Variants in DDX10 observed in about 807,000 individuals in gnomAD.
DDX10 encodes the protein probable ATP-dependent RNA helicase DDX10.
DDX10 carries 74 observed loss-of-function variants against 104.3 expected under a neutral mutation model. That is an observed-to-expected ratio of 0.71 (90% CI 0.59 to 0.86). The LOEUF (loss-of-function observed/expected upper bound fraction) is 0.86, where lower values mean the gene tolerates loss of function less well. DDX10 is among the 40% of genes least tolerant of loss of function. The probability of loss-of-function intolerance (pLI) is 0.00; values close to 1 mark genes in which losing one functional copy is unlikely to be tolerated. For synonymous variants in DDX10, 351 were observed against 353.4 expected (o/e 0.99, Z 0.08); for missense variants, 952 against 1,040.0 (o/e 0.92, Z 1.16).
intron 16 of DDX10, among the ~76,000 whole-genome samples, chr11:108,886,082 TTACCCATGTATAA>T (rs1483407861): frequency 6.6e-6 from 1 of 152,144 alleles, no homozygotes; most frequent in African/African-American, 2.4e-5. Context: ...AAAAATTAAT[TTACCCATGTATAA>T]TACCAGGTTT....
At chr11:108,815,620 G>A (rs1377538882) in intron 13 of DDX10, among the ~76,000 whole-genome samples, 1 of 152,100 alleles carries the variant, frequency 6.6e-6, no homozygotes, top group Non-Finnish European at 1.5e-5. Context: ...TGTCCCATTT[G>A]TATAAATGGA....
At chr11:108,873,174 C>T (rs1863105248) in intron 16 of DDX10, among the ~76,000 whole-genome samples, 1 of 152,096 alleles carries the variant, frequency 6.6e-6, no homozygotes, top group African/African-American at 2.4e-5. Flanking sequence ...TAAATTTGGA[C>T]TAAGTGGCCC....
At chr11:108,884,316 C>T (rs1863265434) in intron 16 of DDX10, among the ~76,000 whole-genome samples, 1 of 152,174 alleles carries the variant, frequency 6.6e-6, no homozygotes, top group African/African-American at 2.4e-5. Context: ...ATACCAGGCA[C>T]ATGGCTACCT....
intron 13 of DDX10, among the ~76,000 whole-genome samples, chr11:108,813,171 G>C (rs1315641114): frequency 6.6e-6 from 1 of 152,034 alleles, no homozygotes; most frequent in Non-Finnish European, 1.5e-5. Context: ...TAAATTCCTA[G>C]AAGTGAAATA....
At chr11:108,778,569 T>C (rs2094373346) in intron 13 of DDX10, among the ~76,000 whole-genome samples, 1 of 152,170 alleles carries the variant, frequency 6.6e-6, no homozygotes, top group Admixed American at 6.5e-5. Flanking sequence ...ACTTAAATAT[T>C]AGACCTAAAA....
chr11:108,746,982 A>G (rs1376800429), intron 13 of DDX10, among the ~76,000 whole-genome samples: 1 of 152,202 alleles, frequency 6.6e-6, no homozygotes, highest in East Asian at 1.9e-4. Context: ...AATTGTAGTT[A>G]TAAGGGCTTT....
chr11:108,894,341 A>T (rs1863413632), intron 16 of DDX10, among the ~76,000 whole-genome samples: 1 of 152,050 alleles, frequency 6.6e-6, no homozygotes, highest in Non-Finnish European at 1.5e-5. Flanking sequence ...TAGTTACTAA[A>T]ACGTTCATCC....
At chr11:108,920,966 C>T (rs1231168428) in intron 17 of DDX10, 1 of 152,222 alleles carries the variant, frequency 6.6e-6, no homozygotes, top group East Asian at 1.9e-4. Flanking sequence ...ATACATATTA[C>T]TGGTGCTTAA....
chr11:108,913,551 G>A lies in DDX10; in HGVS notation c.2305-4322G>A, dbSNP rs566612244. Among the ~76,000 whole-genome samples, 43 of 152,248 alleles carry A rather than the reference G, an allele frequency of 2.8e-4. No homozygotes were observed. The South Asian group carries it at 6.9e-3, about 24-fold the overall frequency. On this transcript the variant is annotated intron_variant, in intron 16 of 17. Transcript: ENST00000322536. ...TCCTTGTGGGCAAATTGCGAGGGAG[G>A]TATGTAGCTTTTGTAGCTATCTTAT...
At position 108,777,099 on chromosome 11, in the gene DDX10, C is replaced by A. The variant is rs529595223; in HGVS notation, c.1965+53637C>A. On this transcript the variant is annotated intron_variant, in intron 13 of 17. Transcript: ENST00000322536. ...ATGCAGCAACAGAAAACTAACACAA[C>A]AGGGATTTCCTGCAGCATGATTTCC... Among the ~76,000 whole-genome samples the A allele has an allele frequency of 3.9e-5, 6 of 152,324 alleles. No homozygotes were observed. The South Asian group carries it at 1.2e-3, about 32-fold the overall frequency.
At chr11:108,929,222 G>A (rs536046414) in intron 17 of DDX10, among the ~76,000 whole-genome samples, 1 of 152,226 alleles carries the variant, frequency 6.6e-6, no homozygotes, top group East Asian at 1.9e-4. Context: ...CAGACCATAA[G>A]GAAGTAAACA....
intron 16 of DDX10, among the ~76,000 whole-genome samples, chr11:108,878,512 T>C (rs1411966715): frequency 6.6e-6 from 1 of 152,244 alleles, no homozygotes; most frequent in African/African-American, 2.4e-5. Flanking sequence ...AATGTGGCAA[T>C]TTAATTTTCC....
intron 9 of DDX10, among the ~76,000 whole-genome samples, chr11:108,697,167 A>T (rs1425686610): frequency 6.7e-6 from 1 of 149,252 alleles, no homozygotes; most frequent in Non-Finnish European, 1.5e-5. Context: ...AATTAAAAGT[A>T]TTTTTACTTG....
chr11:108,876,929 A>G (rs1247284745), intron 16 of DDX10, among the ~76,000 whole-genome samples: 2 of 152,164 alleles, frequency 1.3e-5, no homozygotes, highest in Non-Finnish European at 2.9e-5. Flanking sequence ...ATAAAAGTCA[A>G]AAACCTCCCC....
chr11:108,693,385 A>G (rs2094255369), intron 8 of DDX10, 131 bp from the exon 9 acceptor site: 3 of 747,390 alleles, frequency 4.0e-6, no homozygotes, highest in South Asian at 3.0e-5. Context: ...TTTATTTTTA[A>G]TAGAGTTCAT....
intron 6 of DDX10, among the ~76,000 whole-genome samples, chr11:108,687,549 A>T: frequency 6.6e-6 from 1 of 151,780 alleles, no homozygotes; most frequent in Non-Finnish European, 1.5e-5. Context: ...TCATATGGTT[A>T]TTTTTTTTAT....
intron 13 of DDX10, among the ~76,000 whole-genome samples, chr11:108,772,401 C>T (rs951802478): frequency 1.3e-5 from 2 of 152,050 alleles, no homozygotes; most frequent in East Asian, 1.9e-4. Context: ...GGGGAGAAGA[C>T]GCAGAAGAAG....
chr11:108,753,658 T>C (rs2094341153), intron 13 of DDX10, among the ~76,000 whole-genome samples: 1 of 151,986 alleles, frequency 6.6e-6, no homozygotes, highest in African/African-American at 2.4e-5. Flanking sequence ...ACAGTTCTTG[T>C]GGTGTATTTT....
intron 13 of DDX10, among the ~76,000 whole-genome samples, chr11:108,779,668 T>TA (rs1364976880): frequency 6.6e-6 from 1 of 151,914 alleles, no homozygotes; most frequent in Non-Finnish European, 1.5e-5. Flanking sequence ...TAAAGTAAAA[T>TA]AAAAAAATAA....
Sources: allele counts gnomAD v4.1 joint callset (sites outside exome capture counted in the v4.1 genomes callset), GRCh38; gene constraint gnomAD v4.1.1; transcripts MANE v1.5; gene names NCBI Gene and HGNC (gene_info 2026-07-23, HGNC 2026-07-21).